Variants in ZNF790 observed in about 807,000 individuals in gnomAD.
ZNF790 encodes the protein zinc finger protein 790.
ZNF790 carries 8 observed loss-of-function variants against 12.1 expected under a neutral mutation model. The observed-to-expected ratio is 0.66, with a 90% CI of 0.39 to 1.19. ZNF790 has a LOEUF of 1.19. Among genes scored for constraint, ZNF790 ranks in the 50% most tolerant of loss-of-function variants. The pLI is 0.01. For missense variants in ZNF790, 707 were observed against 752.2 expected, an observed-to-expected ratio of 0.94 and a Z score of 0.70; for synonymous variants, 252 against 244.3, an observed-to-expected ratio of 1.03 and a Z score of -0.29.
At chr19:36,820,211 G>A in intron 4 of ZNF790, 97 bp from the exon 5 acceptor site, 2 of 1,322,676 alleles carry the variant, frequency 1.5e-6, no homozygotes, top group South Asian at 3.1e-5. Context: ...TAAAGCATAT[G>A]AGAAGTGAAT....
intron 1 of ZNF790, among the ~76,000 whole-genome samples, chr19:36,844,150 T>G (rs1475647981): frequency 1.4e-4 from 21 of 151,062 alleles, no homozygotes; most frequent in African/African-American, 9.7e-5. Context: ...AAACCTCACC[T>G]CTATAAAAAA....
At chr19:36,823,549 A>G (rs2071723758) in intron 3 of ZNF790, 118 bp downstream of exon 3, 1 of 1,400,598 alleles carries the variant, frequency 7.1e-7, no homozygotes, top group Non-Finnish European at 9.8e-7. Flanking sequence ...CCAGATTTAC[A>G]AAGCGCAAAC....
At chr19:36,827,080 G>A (rs1055718114) in intron 1 of ZNF790, among the ~76,000 whole-genome samples, 36 of 126,276 alleles carry the variant, frequency 2.9e-4, no homozygotes, top group African/African-American at 1.0e-3. Flanking sequence ...GTGTGTGTAT[G>A]TGTGTATATA....
At chr19:36,820,888 C>T (rs2071652515) in intron 4 of ZNF790, among the ~76,000 whole-genome samples, 1 of 128,472 alleles carries the variant, frequency 7.8e-6, no homozygotes. Flanking sequence ...GAGTGAGACC[C>T]TGTCTTTTTT....
In ZNF790 at chr19:36,818,905, C is replaced by T. The variant is rs1268317734; in HGVS notation, c.1439G>A (p.Cys480Tyr). 1.9e-6 allele frequency: 3 copies of T among 1,610,758 alleles called. No individual in the cohort carries two copies. Among genetic ancestry groups the T allele is most frequent in the Admixed American group, 1.7e-5 (1 of 59,666 alleles). The change falls in exon 5 of 5, where the codon TGT becomes TAT. Residue 480 changes from cysteine (C) to tyrosine (Y), a missense_variant. By Grantham distance (194) the Cys-to-Tyr change is radical. Coordinates refer to ENST00000356725, the MANE Select transcript of ZNF790 (RefSeq NM_206894.4). ...KIHTGERNYE[C>Y]KECGKTFFRG... is the part of the protein sequence containing the mutation. Reference sequence around the variant, plus strand: ...AAAAAAGGTCTTTCCACATTCCTTACATTCATAGTTTCTCTCACCAGTATG... The same window carrying T: ...AAAAAAGGTCTTTCCACATTCCTTATATTCATAGTTTCTCTCACCAGTATG...
rs748593950 is a variant in ZNF790 at position 36,819,493 on chromosome 19, C to T, written c.851G>A (p.Cys284Tyr). The T allele has an allele frequency of 3.1e-6, 5 of 1,611,638 alleles. No individual in the cohort carries two copies. In the African/African-American group the frequency reaches 5.3e-5, roughly 17 times the overall value. Residue 284 changes from cysteine to tyrosine, a missense_variant, in exon 5 of 5, where the codon TGT becomes TAT. By Grantham distance (194) the Cys-to-Tyr change is radical. Transcript: ENST00000356725. ...RIHTGEKSYE[C>Y]KECGKAFSCG... ...ACTAAAGGCCTTCCCACATTCCTTA[C>T]ATTCATAAGATTTCTCACCAGTATG...
chr19:36,849,804 C>G (rs2072225913), intron 1 of ZNF790, among the ~76,000 whole-genome samples: 1 of 151,822 alleles, frequency 6.6e-6, no homozygotes, highest in Non-Finnish European at 1.5e-5. Flanking sequence ...ATCTTGCCCC[C>G]CCCACCTCCA....
chr19:36,832,139 C>T (rs1317562958), intron 1 of ZNF790, among the ~76,000 whole-genome samples: 1 of 152,076 alleles, frequency 6.6e-6, no homozygotes, highest in African/African-American at 2.4e-5. Flanking sequence ...TGTTGACATG[C>T]GCTGTTTCAG....
At chr19:36,840,060 T>C (rs898661828), upstream of ZNF790, among the ~76,000 whole-genome samples, 7 of 152,062 alleles carry the variant, frequency 4.6e-5, no homozygotes, top group African/African-American at 1.7e-4. Flanking sequence ...CGAAACTCCA[T>C]CTCAAAAAAA....
intron 1 of ZNF790, among the ~76,000 whole-genome samples, chr19:36,848,634 G>A (rs1023307527): frequency 1.3e-5 from 2 of 150,104 alleles, no homozygotes; most frequent in African/African-American, 2.5e-5. Flanking sequence ...TTGTTTTTTG[G>A]GTCTTTTTGT....
chr19:36,831,471 A>G (rs1253900296), intron 1 of ZNF790, among the ~76,000 whole-genome samples: 2 of 152,112 alleles, frequency 1.3e-5, no homozygotes, highest in African/African-American at 4.8e-5. Context: ...GGTCCCAGCT[A>G]CTTGGGAGAC....
chr19:36,835,542 C>G (rs1007412331), intron 1 of ZNF790, among the ~76,000 whole-genome samples: 2 of 152,126 alleles, frequency 1.3e-5, no homozygotes, highest in Non-Finnish European at 2.9e-5. Flanking sequence ...TCACAGGGAT[C>G]AAGACTCCTC....
chr19:36,820,112 T>C lies in ZNF790; in HGVS notation c.232A>G (p.Met78Val). ...TTCTTGGTCTGACACCTCGACTGCA[T>C]GTCTGAAAAATAAGAAGGTAAAAAC... Reference protein sequence around the residue: ...RDETRGPCPDMQSRCQTKKLL... With the variant: ...RDETRGPCPDVQSRCQTKKLL... Residue 78 changes from methionine to valine, a missense_variant and splice_region_variant, in exon 5 of 5, where the codon ATG (methionine) becomes GTG (valine). Transcript: ENST00000356725. 12 of 1,597,498 alleles carry C rather than the reference T, an allele frequency of 7.5e-6. No homozygotes were observed. The highest frequency in any genetic ancestry group is 1.1e-5 in the South Asian group (1 of 90,866).
intron 1 of ZNF790, among the ~76,000 whole-genome samples, chr19:36,829,396 T>C (rs1170121901): frequency 2.0e-5 from 3 of 152,242 alleles, no homozygotes; most frequent in Non-Finnish European, 4.4e-5. Context: ...TATGTGGACT[T>C]GTTACTGGCT....
In ZNF790 at chr19:36,818,442, T is replaced by C. The variant is rs1460337954; in HGVS notation, c.1902A>G (p.Ser634=). ...ACTTTTATATAATATTTCACAAGAG[T>C]GAAATGAAGTGAGAGCTTGAAGAAA... ...KAFSSSSHFI[S]LL The change falls in exon 5 of 5, where the codon TCA becomes TCG. Residue 634 remains serine (S), a synonymous_variant. Transcript: ENST00000356725. The C allele has an allele frequency of 2.6e-6, 4 of 1,538,936 alleles. No homozygotes were observed.
Position 36,819,334 on chromosome 19 carries a change from G to A in ZNF790, c.1010C>T (p.Pro337Leu), listed in dbSNP as rs2071613953. 1 of 1,612,062 alleles carries A rather than the reference G, an allele frequency of 6.2e-7. No individual in the cohort carries two copies. The highest frequency in any genetic ancestry group is 8.5e-7 in the Non-Finnish European group (1 of 1,178,892). The part of the protein sequence containing the change: ...KHQRIHTGEK[P>L]YECKECGKAF... ...TTTCCCACACTCCTTACATTCATAAGGTTTTTCACCAGTGTGAATTCTCTG... is the reference window on the plus strand; with the variant it reads ...TTTCCCACACTCCTTACATTCATAAAGTTTTTCACCAGTGTGAATTCTCTG... Residue 337 changes from proline (P) to leucine (L), a missense_variant, in exon 5 of 5, where the codon CCT becomes CTT. Physicochemically the swap from Pro to Leu is moderately conservative, Grantham distance 98. Coordinates refer to ENST00000356725, the MANE Select transcript of ZNF790 (RefSeq NM_206894.4).
At chr19:36,821,048 C>G (rs2071659869) in intron 4 of ZNF790, among the ~76,000 whole-genome samples, 2 of 124,530 alleles carry the variant, frequency 1.6e-5, no homozygotes, top group Admixed American at 1.7e-4. Context: ...TCCCTCCCCC[C>G]TCCCCCCACT....
In ZNF790 at chr19:36,819,262, G is replaced by A. The variant is rs746177090; in HGVS notation, c.1082C>T (p.Thr361Ile). The A allele has an allele frequency of 6.2e-7, 1 of 1,613,224 alleles. No homozygotes were observed. Among genetic ancestry groups the A allele is most frequent in the African/African-American group, 1.3e-5 (1 of 74,876 alleles). Residue 361 changes from threonine (T) to isoleucine (I), a missense_variant, in exon 5 of 5, where the codon ACT becomes ATT. Physicochemically the swap from Thr to Ile is moderately conservative, Grantham distance 89. Transcript: ENST00000356725. ...SHLTQHQRIH[T>I]GEKSHECKEC... is the part of the protein sequence containing the mutation. ...CTTACACTCATGAGATTTCTCACCA[G>A]TATGAATTCTCTGATGCTGAGTTAG...
chr19:36,846,435 G>A (rs2072181505), intron 1 of ZNF790, among the ~76,000 whole-genome samples: 1 of 152,078 alleles, frequency 6.6e-6, no homozygotes, highest in Non-Finnish European at 1.5e-5. Flanking sequence ...CATGGTGGCA[G>A]GCGCCTGCAG....
Sources: gnomAD v4.1 joint callset for allele counts (sites outside exome capture counted in the v4.1 genomes callset) on GRCh38, gnomAD v4.1.1 for gene constraint, MANE v1.5 for transcripts, NCBI Gene and HGNC (gene_info 2026-07-23, HGNC 2026-07-21) for gene names.